Variants in RAP1GAP2 observed in about 807,000 individuals in gnomAD.
RAP1GAP2 encodes the protein RAP1 GTPase activating protein 2, also known as rap1 GTPase-activating protein 2.
In RAP1GAP2, 27 loss-of-function variants were observed where a neutral mutation model predicts 95.0. The ratio of observed to expected loss-of-function variants is 0.28; its 90% CI spans 0.21 to 0.39. The LOEUF (loss-of-function observed/expected upper bound fraction) is 0.39, where lower values mean the gene tolerates loss of function less well. RAP1GAP2 is among the 10% of genes least tolerant of loss of function. The probability of loss-of-function intolerance (pLI) is 1.00; values close to 1 mark genes in which losing one functional copy is unlikely to be tolerated. For missense variants in RAP1GAP2, 771 were observed against 970.0 expected (o/e 0.79, Z 2.72); for synonymous variants, 373 against 380.9 (o/e 0.98, Z 0.24).
At chr17:2,895,454 C>T (rs763984835) in intron 2 of RAP1GAP2, among the ~76,000 whole-genome samples, 2 of 152,192 alleles carry the variant, frequency 1.3e-5, no homozygotes, top group African/African-American at 2.4e-5. Flanking sequence ...CCTCATTTTC[C>T]CTGCTGTAAA....
chr17:2,789,830 T>C (rs899760707), intron 1 of RAP1GAP2, among the ~76,000 whole-genome samples: 5 of 147,178 alleles, frequency 3.4e-5, no homozygotes. Context: ...GCAATTGTGG[T>C]ATATGTCTGG....
intron 1 of RAP1GAP2, among the ~76,000 whole-genome samples, chr17:2,798,532 C>A (rs2069157298): frequency 1.3e-5 from 2 of 151,984 alleles, no homozygotes; most frequent in African/African-American, 4.8e-5. Context: ...GTCACGGATT[C>A]CTGGAGCCCT....
intron 1 of RAP1GAP2, among the ~76,000 whole-genome samples, chr17:2,767,159 C>T (rs1475986117): frequency 2.0e-5 from 3 of 151,720 alleles, no homozygotes; most frequent in Admixed American, 6.6e-5. Context: ...GTCAGGAGTT[C>T]GAGACCAGCC....
intron 2 of RAP1GAP2, among the ~76,000 whole-genome samples, chr17:2,876,259 GA>G (rs2073095916): frequency 6.6e-6 from 1 of 152,084 alleles, no homozygotes; most frequent in Non-Finnish European, 1.5e-5. Flanking sequence ...TAGATGAAAA[GA>G]GTCCAACTCT....
intron 12 of RAP1GAP2, among the ~76,000 whole-genome samples, chr17:2,992,407 G>A (rs1362855192): frequency 2.6e-5 from 4 of 151,610 alleles, no homozygotes; most frequent in Non-Finnish European, 4.4e-5. Context: ...TGATCCGCCC[G>A]TCTGGGCCTC....
At chr17:3,023,349 G>T (rs117154568) in intron 19 of RAP1GAP2, among the ~76,000 whole-genome samples, 8,468 of 152,296 alleles carry the variant, frequency 0.056, 321 homozygotes, top group Non-Finnish European at 0.079. Flanking sequence ...GCACAGTGCT[G>T]AATGCTCAGA....
chr17:2,980,257 G>A, intron 8 of RAP1GAP2, 30 bp from the exon 9 acceptor site: 1 of 1,610,640 alleles, frequency 6.2e-7, no homozygotes, highest in Non-Finnish European at 8.5e-7. Flanking sequence ...TGTTTCTTAG[G>A]GATGTCCTTT....
At chr17:2,977,494 C>G (rs138950662) in intron 8 of RAP1GAP2, among the ~76,000 whole-genome samples, 2,769 of 152,150 alleles carry the variant, frequency 0.018, 44 homozygotes, top group Non-Finnish European at 0.028. Context: ...TCTGTAATCC[C>G]AGCACTTTGG....
intron 2 of RAP1GAP2, among the ~76,000 whole-genome samples, chr17:2,809,343 C>T (rs766845358): frequency 3.9e-5 from 6 of 152,212 alleles, no homozygotes; most frequent in Non-Finnish European, 7.3e-5. Context: ...TCACGGAGCC[C>T]GTGAGGGTGT....
At position 2,789,453 on chromosome 17, in the gene RAP1GAP2, G is replaced by A. The variant is rs573521156; in HGVS notation, c.-13-11062G>A. On this transcript the variant is annotated intron_variant, in intron 1 of 24. Transcript: ENST00000540393. ...CGTAGCTTCTTTAGTTCAGAGCCAT[G>A]TGTGGCTAAAACTCTCTTGGCAGAT... Among the ~76,000 whole-genome samples, 6 of 152,136 alleles carry A rather than the reference G, an allele frequency of 3.9e-5. 1 individual carries two copies. The East Asian group carries it at 7.7e-4, about 20-fold the overall frequency.
At position 2,962,708 on chromosome 17, in the gene RAP1GAP2, G is replaced by A; in HGVS notation, c.240G>A (p.Lys80=). 6.3e-7 allele frequency: 1 copy of A among 1,594,734 alleles called. No homozygotes were observed. Residue 80 remains lysine, a synonymous_variant, in exon 5 of 25, where the codon AAG becomes AAA. Transcript: ENST00000254695. ...AAGAGCAGAAGCCGGGACCCCAGAAGAACAAGGTGGGCTGGGTGGGTGAGG... is the reference window on the plus strand; with the variant it reads ...AAGAGCAGAAGCCGGGACCCCAGAAAAACAAGGTGGGCTGGGTGGGTGAGG... The part of the protein sequence containing the change: ...KLEEQKPGPQ[K]NKDDYIPYPS...
chr17:3,008,586 C>T lies in RAP1GAP2; in HGVS notation c.1494+441C>T, dbSNP rs111407748. On this transcript the variant is annotated intron_variant, in intron 17 of 24. Coordinates refer to ENST00000254695, the MANE Select transcript of RAP1GAP2 (RefSeq NM_015085.5). This position sits in a 1 kb window ranked among gnomAD's most constrained non-coding sequence, Gnocchi z 4.2. ...GCCACAGTGATTCTTCCTAGCCAGC[C>T]GGCCGAGCATTGGAAGACCTGGCTG... 1.8e-3 allele frequency among the ~76,000 whole-genome samples: 268 copies of T among 152,244 alleles called. 1 individual carries two copies. The highest frequency in any genetic ancestry group is 6.2e-3 in the African/African-American group (256 of 41,540).
At chr17:2,804,608 G>A (rs943968966) in intron 2 of RAP1GAP2, among the ~76,000 whole-genome samples, 2 of 152,238 alleles carry the variant, frequency 1.3e-5, no homozygotes, top group African/African-American at 4.8e-5. Context: ...GACACCGTGG[G>A]TGAGAAGGCC....
chr17:2,816,982 C>CTTTTTTTTTTTT, intron 2 of RAP1GAP2, among the ~76,000 whole-genome samples: 1 of 48,666 alleles, frequency 2.1e-5, no homozygotes, highest in Non-Finnish European at 4.4e-5. Flanking sequence ...TCAGAATTTC[C>CTTTTTTTTTTTT]TTTTTTTTTT....
At chr17:2,967,638 C>A (rs715663) in intron 8 of RAP1GAP2, among the ~76,000 whole-genome samples, 6,771 of 152,150 alleles carry the variant, frequency 0.045, 456 homozygotes, top group African/African-American at 0.15. Context: ...GAAGCCGTAC[C>A]CCAGCTCGGA....
At chr17:2,976,593 T>C (rs780677671) in intron 8 of RAP1GAP2, among the ~76,000 whole-genome samples, 10 of 151,784 alleles carry the variant, frequency 6.6e-5, no homozygotes, top group Non-Finnish European at 1.0e-4. Context: ...AAATGCACTT[T>C]AAAAAAAGAT....
At chr17:2,794,124 T>C (rs2069003788), upstream of RAP1GAP2, among the ~76,000 whole-genome samples, 1 of 150,710 alleles carries the variant, frequency 6.6e-6, no homozygotes, top group Non-Finnish European at 1.5e-5. Flanking sequence ...ATCTTTCTCC[T>C]CTTTCCCTTT....
chr17:2,887,626 C>T (rs2151686019), intron 2 of RAP1GAP2, among the ~76,000 whole-genome samples: 1 of 151,480 alleles, frequency 6.6e-6, no homozygotes, highest in South Asian at 2.1e-4. Flanking sequence ...CTGCCTGCCT[C>T]AGCCTCCCAA....
intron 2 of RAP1GAP2, among the ~76,000 whole-genome samples, chr17:2,846,008 C>T (rs1001696271): frequency 3.3e-5 from 5 of 151,862 alleles, no homozygotes; most frequent in East Asian, 1.9e-4. Context: ...ATGGTGAAAC[C>T]GAGTCTCTAC....
Sources: allele counts gnomAD v4.1 joint callset (sites outside exome capture counted in the v4.1 genomes callset), GRCh38; gene constraint gnomAD v4.1.1; non-coding constraint Gnocchi (gnomAD v3.1); transcripts MANE v1.5; gene names NCBI Gene and HGNC (gene_info 2026-07-23, HGNC 2026-07-21).